MRTFB: variants seen among roughly 807,000 people sequenced by gnomAD.
The protein encoded by MRTFB is myocardin-related transcription factor B.
Under a neutral mutation model 104.2 loss-of-function variants are expected in MRTFB, and 29 were observed. That is an observed-to-expected ratio of 0.28 (90% CI 0.21 to 0.38). The LOEUF (loss-of-function observed/expected upper bound fraction) is 0.38, where lower values mean the gene tolerates loss of function less well. Among genes scored for constraint, MRTFB ranks in the 10% least tolerant of loss-of-function variants. The pLI is 1.00. For synonymous variants in MRTFB, 535 were observed against 519.5 expected, an observed-to-expected ratio of 1.03 and a Z score of -0.41; for missense variants, 1,270 against 1,341.6, an observed-to-expected ratio of 0.95 and a Z score of 0.83.
At chr16:14,071,709 C>T (rs563897551) in intron 1 of MRTFB, among the ~76,000 whole-genome samples, 1 of 152,226 alleles carries the variant, frequency 6.6e-6, no homozygotes, top group African/African-American at 2.4e-5. Flanking sequence ...TTAAGTTGCG[C>T]GCTTGCACGC....
chr16:14,006,630 A>T, the MRTFB span, among the ~76,000 whole-genome samples: 1 of 151,736 alleles, frequency 6.6e-6, no homozygotes, highest in African/African-American at 2.4e-5. Context: ...CTGCCCTTGT[A>T]TGTGTTCTAA....
intron 2 of MRTFB, among the ~76,000 whole-genome samples, chr16:14,101,631 T>G (rs2035706642): frequency 6.6e-6 from 1 of 152,172 alleles, no homozygotes; most frequent in South Asian, 2.1e-4. Context: ...TCATGGTAAC[T>G]GTAGCTGTAA....
rs536419201 is a variant in MRTFB at position 14,253,947 on chromosome 16, C to T, written c.2703+1445C>T. Among the ~76,000 whole-genome samples, 22 of 152,340 alleles carry T rather than the reference C, an allele frequency of 1.4e-4. No individual in the cohort carries two copies. The South Asian group carries it at 2.1e-3, about 14-fold the overall frequency. ...TTCGGAGTGACATCTATTCTCTTCA[C>T]AGGGGAGCAGAGACGAAGTGAATTG... is the stretch of plus-strand genomic sequence containing the variant. On this transcript the variant is annotated intron_variant, in intron 15 of 16. Coordinates refer to ENST00000571589, the MANE Select transcript of MRTFB (RefSeq NM_001308142.2).
At chr16:14,180,641 G>T (rs1466242897) in intron 3 of MRTFB, among the ~76,000 whole-genome samples, 1 of 152,222 alleles carries the variant, frequency 6.6e-6, no homozygotes. Context: ...GAGGAGCCAC[G>T]CAAGCTGTCC....
chr16:14,078,604 T>TC (rs977857524), intron 1 of MRTFB, among the ~76,000 whole-genome samples: 26 of 151,708 alleles, frequency 1.7e-4, no homozygotes, highest in African/African-American at 5.8e-4. Context: ...ATTTTTTTTT[T>TC]TTTTTTTAAA....
At chr16:14,125,722 C>T (rs1008390964) in intron 2 of MRTFB, among the ~76,000 whole-genome samples, 2 of 152,106 alleles carry the variant, frequency 1.3e-5, no homozygotes, top group Non-Finnish European at 2.9e-5. Context: ...GGTTTTTGTA[C>T]TTTACGTCTG....
In MRTFB at chr16:14,149,570, A is replaced by T. The variant is rs563945887; in HGVS notation, c.154+8810A>T. ...AAGGAAAAGTTCGCTGTATCAGAAT[A>T]CTCCGCTCTCCCAAAGTATTAAAAA... On this transcript the variant is annotated intron_variant, in intron 3 of 16. Transcript: ENST00000571589. 3 of 152,244 alleles carry T rather than the reference A, an allele frequency of 2.0e-5. No homozygotes were observed. The South Asian group carries it at 6.2e-4, about 32-fold the overall frequency. The allele number at this position is 152,244 out of a possible 1,614,324, so 9.4% of individuals were successfully genotyped here. A position where few individuals can be genotyped will look rare whatever the true frequency, so the allele number is the denominator to read the frequency against.
chr16:14,010,618 G>A, the MRTFB span, among the ~76,000 whole-genome samples: 7,694 of 152,046 alleles, frequency 0.051, 243 homozygotes, highest in Non-Finnish European at 0.067. Flanking sequence ...TACAGATGAG[G>A]TCTCCCTATG....
chr16:14,017,712 T>TATATATATATATATATATA, the MRTFB span, among the ~76,000 whole-genome samples: 172 of 9,864 alleles, frequency 0.017, 5 homozygotes, highest in South Asian at 0.031. Flanking sequence ...TATATATATA[T>TATATATATATATATATATA]TTTTTTTTTT....
At chr16:14,088,075 A>C (rs1007565810) in intron 2 of MRTFB, among the ~76,000 whole-genome samples, 1 of 152,200 alleles carries the variant, frequency 6.6e-6, no homozygotes, top group Non-Finnish European at 1.5e-5. Context: ...GGAATAATTT[A>C]TGTAATACGA....
intron 10 of MRTFB, among the ~76,000 whole-genome samples, chr16:14,241,696 G>A (rs142673175): frequency 1.3e-5 from 2 of 152,248 alleles, no homozygotes; most frequent in East Asian, 3.9e-4. Context: ...ATATCTTGAG[G>A]AAGATTAAAC....
chr16:14,239,904 T>C (rs2042685947), intron 9 of MRTFB, among the ~76,000 whole-genome samples: 1 of 152,236 alleles, frequency 6.6e-6, no homozygotes, highest in Non-Finnish European at 1.5e-5. Flanking sequence ...AGCATGCAGC[T>C]TGTTTTTTAC....
At chr16:14,046,745 A>G in the MRTFB span, among the ~76,000 whole-genome samples, 1 of 152,224 alleles carries the variant, frequency 6.6e-6, no homozygotes, top group Non-Finnish European at 1.5e-5. Flanking sequence ...CTTTGATTTG[A>G]GGAGAAAGAG....
chr16:14,143,692 G>C (rs551599913), intron 3 of MRTFB: 8 of 151,650 alleles, frequency 5.3e-5, no homozygotes, highest in African/African-American at 1.9e-4. Flanking sequence ...TAAATCACAA[G>C]TACCATTCAC....
intron 2 of MRTFB, among the ~76,000 whole-genome samples, chr16:14,111,536 A>G (rs7186738): frequency 0.027 from 4,079 of 152,208 alleles, 68 homozygotes; most frequent in Middle Eastern, 0.086. Flanking sequence ...AATTTGGTGG[A>G]CTCATTTCAG....
chr16:14,013,936 C>A, the MRTFB span, among the ~76,000 whole-genome samples: 3 of 152,222 alleles, frequency 2.0e-5, no homozygotes, highest in Non-Finnish European at 4.4e-5. Context: ...GCACCTCCCA[C>A]GCCTGAACAA....
chr16:14,077,226 A>T (rs1235035524), intron 1 of MRTFB, among the ~76,000 whole-genome samples: 1 of 152,156 alleles, frequency 6.6e-6, no homozygotes, highest in Non-Finnish European at 1.5e-5. Flanking sequence ...TAGTGCTTTT[A>T]TGGTTTCATT....
At chr16:14,167,958 A>G (rs940279523) in intron 3 of MRTFB, among the ~76,000 whole-genome samples, 1 of 152,102 alleles carries the variant, frequency 6.6e-6, no homozygotes, top group African/African-American at 2.4e-5. Flanking sequence ...GAGTGCTGAG[A>G]TTACAGGCGT....
chr16:14,202,892 A>G (rs1269741181), intron 3 of MRTFB, among the ~76,000 whole-genome samples: 1 of 152,204 alleles, frequency 6.6e-6, no homozygotes, highest in Non-Finnish European at 1.5e-5. Context: ...TGGCTTTTCT[A>G]AACTGTCTTG....
Sources: gnomAD v4.1 joint callset for allele counts (sites outside exome capture counted in the v4.1 genomes callset) on GRCh38, gnomAD v4.1.1 for gene constraint, MANE v1.5 for transcripts, NCBI Gene and HGNC (gene_info 2026-07-23, HGNC 2026-07-21) for gene names.